The following FGF12 variants were observed in gnomAD, a reference collection of about 807,000 sequenced individuals.
FGF12 encodes the protein fibroblast growth factor 12.
A neutral mutation model predicts 23.6 loss-of-function variants in FGF12; 14 were observed. That is an observed-to-expected ratio of 0.59 (90% CI 0.39 to 0.93). The LOEUF (loss-of-function observed/expected upper bound fraction) is 0.93. Ranked by LOEUF, FGF12 falls within the 40% of genes least tolerant of loss-of-function variation. The probability of loss-of-function intolerance (pLI) is 0.00; values close to 1 mark genes in which losing one functional copy is unlikely to be tolerated. For synonymous variants in FGF12, 62 were observed against 77.3 expected (o/e 0.80, Z 1.04); for missense variants, 175 against 217.8 (o/e 0.80, Z 1.24).
intron 2 of FGF12, among the ~76,000 whole-genome samples, chr3:192,492,350 G>A (rs1404558873): frequency 6.6e-6 from 1 of 151,958 alleles, no homozygotes; most frequent in African/African-American, 2.4e-5. Flanking sequence ...CCCTTATGGA[G>A]AAAGAAAAAA....
At chr3:192,341,880 GA>G (rs1212344003) in intron 3 of FGF12, among the ~76,000 whole-genome samples, 1 of 109,302 alleles carries the variant, frequency 9.1e-6, no homozygotes. Context: ...AAAAAATTGA[GA>G]AAATGTAAAG....
At chr3:192,228,306 G>T (rs1312025535) in intron 4 of FGF12, among the ~76,000 whole-genome samples, 3 of 151,966 alleles carry the variant, frequency 2.0e-5, no homozygotes, top group Non-Finnish European at 4.4e-5. Flanking sequence ...ATGACATGAG[G>T]CATGCATTAC....
At chr3:192,567,793 CTT>C (rs375127511) in intron 2 of FGF12, among the ~76,000 whole-genome samples, 5 of 129,640 alleles carry the variant, frequency 3.9e-5, no homozygotes, top group Admixed American at 1.5e-4. Flanking sequence ...TTCTTTCTTT[CTT>C]TCTTTCTCTT....
intron 2 of FGF12, among the ~76,000 whole-genome samples, chr3:192,378,094 C>CTTTCTTTCTTTCT (rs1354979179): frequency 1.5e-5 from 1 of 67,154 alleles, no homozygotes; most frequent in Non-Finnish European, 3.0e-5. Context: ...TTCTTTCTTT[C>CTTTCTTTCTTTCT]TTCTTTCTTT....
chr3:192,366,726 G>T (rs1719002820), intron 2 of FGF12, among the ~76,000 whole-genome samples: 2 of 152,138 alleles, frequency 1.3e-5, no homozygotes, highest in African/African-American at 4.8e-5. Flanking sequence ...ACTGTCATAT[G>T]AAGAATGGCT....
intron 2 of FGF12, among the ~76,000 whole-genome samples, chr3:192,680,214 A>G (rs899063902): frequency 6.6e-6 from 1 of 152,208 alleles, no homozygotes; most frequent in African/African-American, 2.4e-5. Flanking sequence ...GGAAGTGGAC[A>G]CCACTGTTCC....
intron 2 of FGF12, among the ~76,000 whole-genome samples, chr3:192,633,337 C>T (rs149278775): frequency 9.7e-4 from 148 of 152,222 alleles, no homozygotes; most frequent in African/African-American, 2.4e-3. Context: ...TGAGCCCTCG[C>T]GCCCGGCCTC....
chr3:192,305,675 A>ATAT (rs1268001855), intron 4 of FGF12, among the ~76,000 whole-genome samples: 85 of 114,626 alleles, frequency 7.4e-4, no homozygotes, highest in African/African-American at 2.7e-3. Context: ...GGAAAAAAAA[A>ATAT]AAAAATATAT....
At chr3:192,284,676 G>T (rs1299402364) in intron 4 of FGF12, among the ~76,000 whole-genome samples, 1 of 152,000 alleles carries the variant, frequency 6.6e-6, no homozygotes, top group Non-Finnish European at 1.5e-5. Flanking sequence ...CAAATCAATA[G>T]AGCTAGAGAA....
intron 2 of FGF12, among the ~76,000 whole-genome samples, chr3:192,712,261 C>A (rs1342364578): frequency 1.3e-5 from 2 of 150,122 alleles, no homozygotes; most frequent in Admixed American, 1.3e-4. Flanking sequence ...TCCAGAATAC[C>A]AGAACAAAAC....
Position 192,170,567 on chromosome 3 carries a change from T to G in FGF12, c.318A>C (p.Glu106Asp). 6.2e-7 allele frequency: 1 copy of G among 1,614,018 alleles called. No homozygotes were observed. Among genetic ancestry groups the G allele is most frequent in the Non-Finnish European group, 8.5e-7 (1 of 1,180,000 alleles). ...IYSSTLYRQQ[E>D]SGRAWFLGLN... ...GTCCCAGAAACCAAGCTCGGCCTGATTCTTGCTGGCGGTACAGTGTGGAAG... is the reference window on the plus strand; with the variant it reads ...GTCCCAGAAACCAAGCTCGGCCTGAGTCTTGCTGGCGGTACAGTGTGGAAG... Residue 106 changes from glutamate to aspartate, a missense_variant, in exon 5 of 6, where the codon GAA becomes GAC. By Grantham distance (45) the Glu-to-Asp change is conservative. Coordinates refer to ENST00000445105, the MANE Select transcript of FGF12 (RefSeq NM_004113.6).
chr3:192,305,679 A>AAAAATATATATATAT (rs1423738741), intron 4 of FGF12, among the ~76,000 whole-genome samples: 6 of 131,936 alleles, frequency 4.5e-5, no homozygotes, highest in Non-Finnish European at 6.2e-5. Flanking sequence ...AAAAAAAAAA[A>AAAAATATATATATAT]ATATATATAT....
At chr3:192,271,140 C>T (rs1713409333) in intron 4 of FGF12, among the ~76,000 whole-genome samples, 2 of 152,164 alleles carry the variant, frequency 1.3e-5, no homozygotes, top group Admixed American at 1.3e-4. Flanking sequence ...TTGTATAAGA[C>T]ATCCATGCAT....
chr3:192,599,269 A>AATTATAATAATAATT (rs1553837245), intron 2 of FGF12, among the ~76,000 whole-genome samples: 2 of 148,078 alleles, frequency 1.4e-5, no homozygotes. Context: ...TAATAATAAT[A>AATTATAATAATAATT]ATAATAATAA....
rs1577002507 is a variant in FGF12 at position 192,470,587 on chromosome 3, T to A, written c.14-110049A>T. ...TATTTTTAGTAGAGATGGGGTTTCA[T>A]CACGTTGGCCAGGCTGGTCTCGAAC... On this transcript the variant is annotated intron_variant, in intron 2 of 5. Transcript: ENST00000445105. 2.0e-5 allele frequency among the ~76,000 whole-genome samples: 3 copies of A among 152,028 alleles called. No homozygotes were observed. The South Asian group carries it at 6.2e-4, about 32-fold the overall frequency.
At chr3:192,539,730 GTTC>G (rs530052670) in intron 2 of FGF12, among the ~76,000 whole-genome samples, 2 of 152,028 alleles carry the variant, frequency 1.3e-5, no homozygotes, top group Non-Finnish European at 2.9e-5. Context: ...GTTGATATTA[GTTC>G]TTCTTTAAAT....
At chr3:192,425,410 T>A (rs1412504926) in intron 2 of FGF12, among the ~76,000 whole-genome samples, 1 of 152,094 alleles carries the variant, frequency 6.6e-6, no homozygotes, top group African/African-American at 2.4e-5. Context: ...CTCCCAGGAA[T>A]AAGTCTGAGA....
intron 2 of FGF12, among the ~76,000 whole-genome samples, chr3:192,486,830 G>A (rs1458712140): frequency 6.6e-6 from 1 of 152,038 alleles, no homozygotes; most frequent in African/African-American, 2.4e-5. Context: ...AGATGGACAA[G>A]GATACGACCT....
At chr3:192,711,598 C>G (rs1427836423) in intron 2 of FGF12, among the ~76,000 whole-genome samples, 3 of 152,168 alleles carry the variant, frequency 2.0e-5, no homozygotes, top group African/African-American at 7.2e-5. Context: ...TTGTTCTGTA[C>G]TAAGAAAAAT....
Sources: gnomAD v4.1 joint callset for allele counts (sites outside exome capture counted in the v4.1 genomes callset) on GRCh38, gnomAD v4.1.1 for gene constraint, MANE v1.5 for transcripts, NCBI Gene and HGNC (gene_info 2026-07-23, HGNC 2026-07-21) for gene names.